Variants in LGSN observed in about 807,000 individuals in gnomAD.
LGSN encodes lengsin, lens protein with glutamine synthetase domain.
In LGSN, 21 loss-of-function variants were observed where a neutral mutation model predicts 19.5. That is an observed-to-expected ratio of 1.07 (90% CI 0.76 to 1.55). LGSN has a LOEUF of 1.55. Among genes scored for constraint, LGSN ranks in the 40% most tolerant of loss-of-function variants. The probability of loss-of-function intolerance (pLI) is 0.00; values close to 1 mark genes in which losing one functional copy is unlikely to be tolerated. For missense variants in LGSN, 673 were observed against 608.5 expected (o/e 1.11, Z -1.12); for synonymous variants, 257 against 215.6 (o/e 1.19, Z -1.68).
chr6:63,336,575 A>ATATATATGTGTGTGTGTG, the LGSN span, among the ~76,000 whole-genome samples: 2 of 148,616 alleles, frequency 1.3e-5, no homozygotes, highest in Admixed American at 6.7e-5. Context: ...ATATATATAT[A>ATATATATGTGTGTGTGTG]TGTATAAAAT....
chr6:63,498,197 C>T, the LGSN span, among the ~76,000 whole-genome samples: 7 of 152,068 alleles, frequency 4.6e-5, no homozygotes, highest in Non-Finnish European at 7.4e-5. Flanking sequence ...GGATTACAGA[C>T]GTGAGCCACC....
chr6:63,563,087 C>T, the LGSN span, among the ~76,000 whole-genome samples: 1 of 152,210 alleles, frequency 6.6e-6, no homozygotes, highest in Non-Finnish European at 1.5e-5. Flanking sequence ...ATAGTCAACA[C>T]CAACATTGTC....
chr6:63,542,061 G>A, the LGSN span, among the ~76,000 whole-genome samples: 2 of 135,400 alleles, frequency 1.5e-5, no homozygotes, highest in Non-Finnish European at 3.2e-5. Flanking sequence ...GTGTGTGTGT[G>A]TATACATACA....
chr6:63,570,203 T>C, the LGSN span, among the ~76,000 whole-genome samples: 1 of 152,252 alleles, frequency 6.6e-6, no homozygotes, highest in African/African-American at 2.4e-5. Flanking sequence ...TGGTGGCAGG[T>C]GGCTGTAATC....
At chr6:63,470,202 TC>T in the LGSN span, among the ~76,000 whole-genome samples, 1 of 151,806 alleles carries the variant, frequency 6.6e-6, no homozygotes. Flanking sequence ...GTACAGTAGC[TC>T]ACACCTGTAA....
chr6:63,398,862 T>C, the LGSN span, among the ~76,000 whole-genome samples: 1 of 152,104 alleles, frequency 6.6e-6, no homozygotes, highest in African/African-American at 2.4e-5. Flanking sequence ...TTGCTCCTGT[T>C]ACCCAGGCTA....
the LGSN span, among the ~76,000 whole-genome samples, chr6:63,364,711 A>G: frequency 6.8e-6 from 1 of 147,428 alleles, no homozygotes; most frequent in Non-Finnish European, 1.5e-5. Context: ...GCAAATGTAA[A>G]AGAACAGAAA....
At chr6:63,483,154 A>G in the LGSN span, among the ~76,000 whole-genome samples, 2 of 152,348 alleles carry the variant, frequency 1.3e-5, no homozygotes, top group South Asian at 4.1e-4. Context: ...TAGCTAAACC[A>G]TAGGGACATT....
intron 1 of LGSN, among the ~76,000 whole-genome samples, chr6:63,295,761 G>C (rs2127388422): frequency 6.6e-6 from 1 of 152,292 alleles, no homozygotes; most frequent in South Asian, 2.1e-4. Flanking sequence ...ACAGGCTGGT[G>C]CTGGGGAGCT....
the LGSN span, among the ~76,000 whole-genome samples, chr6:63,360,205 G>A: frequency 6.6e-6 from 1 of 152,106 alleles, no homozygotes; most frequent in African/African-American, 2.4e-5. Flanking sequence ...TTTGAATGTT[G>A]GCCTGCCTTG....
At position 63,285,710 on chromosome 6, in the gene LGSN, G is replaced by C. The variant is rs151061461; in HGVS notation, c.207C>G (p.Leu69=). ...GTCTAATGTGTTTCATTCTAGAAGA[G>C]AGTTGAGGTGGGGTCAAAATTTGAC... ...DSSQILTPPQ[L]SSRMKHIRQA... The change falls in exon 3 of 4, where the codon CTC becomes CTG. Residue 69 remains leucine (L), a synonymous_variant. Coordinates refer to ENST00000370657, the MANE Select transcript of LGSN (RefSeq NM_016571.3). The C allele has an allele frequency of 5.0e-6, 8 of 1,614,048 alleles. No homozygotes were observed. The highest frequency in any genetic ancestry group is 6.8e-6 in the Non-Finnish European group (8 of 1,179,940).
chr6:63,294,603 TG>T (rs1767904200), intron 2 of LGSN, among the ~76,000 whole-genome samples: 2 of 152,108 alleles, frequency 1.3e-5, no homozygotes, highest in Non-Finnish European at 2.9e-5. Context: ...TAATGATTTT[TG>T]TATTCATTTT....
At chr6:63,517,872 G>A in the LGSN span, among the ~76,000 whole-genome samples, 1 of 152,204 alleles carries the variant, frequency 6.6e-6, no homozygotes, top group South Asian at 2.1e-4. Flanking sequence ...ATCTCAGTAG[G>A]GCCAAGCTTG....
intron 3 of LGSN, among the ~76,000 whole-genome samples, chr6:63,281,763 G>T (rs1048816516): frequency 3.9e-5 from 6 of 152,142 alleles, no homozygotes; most frequent in African/African-American, 1.4e-4. Flanking sequence ...AACACCAGGG[G>T]AGCCAGGACG....
At chr6:63,409,994 G>A in the LGSN span, among the ~76,000 whole-genome samples, 1 of 152,056 alleles carries the variant, frequency 6.6e-6, no homozygotes, top group East Asian at 1.9e-4. Context: ...CCAAGATAGT[G>A]CTACTGCACT....
chr6:63,342,916 A>C, the LGSN span, among the ~76,000 whole-genome samples: 1 of 152,172 alleles, frequency 6.6e-6, no homozygotes, highest in Non-Finnish European at 1.5e-5. Flanking sequence ...TATGGGAGTC[A>C]ATCTCCTCTC....
chr6:63,445,729 A>G, the LGSN span, among the ~76,000 whole-genome samples: 1 of 152,242 alleles, frequency 6.6e-6, no homozygotes, highest in Admixed American at 6.5e-5. Flanking sequence ...TGTTTATAAT[A>G]AAATACTTAA....
At chr6:63,471,901 A>G in the LGSN span, among the ~76,000 whole-genome samples, 1 of 152,208 alleles carries the variant, frequency 6.6e-6, no homozygotes, top group Admixed American at 6.5e-5. Flanking sequence ...AGAGATCGAA[A>G]TCACATTCTC....
chr6:63,510,813 A>G, the LGSN span, among the ~76,000 whole-genome samples: 1 of 151,868 alleles, frequency 6.6e-6, no homozygotes, highest in Admixed American at 6.6e-5. Context: ...AGCTGGGACA[A>G]CAGGCGCATG....
Sources: gnomAD v4.1 joint callset for allele counts (sites outside exome capture counted in the v4.1 genomes callset) on GRCh38, gnomAD v4.1.1 for gene constraint, MANE v1.5 for transcripts, NCBI Gene and HGNC (gene_info 2026-07-23, HGNC 2026-07-21) for gene names.